Variants in UBE2E2 observed in about 807,000 individuals in gnomAD.
UBE2E2 encodes the protein ubiquitin conjugating enzyme E2 E2.
In UBE2E2, 6 loss-of-function variants were observed where a neutral mutation model predicts 24.7. The observed-to-expected ratio is 0.24, with a 90% CI of 0.13 to 0.48. The LOEUF (loss-of-function observed/expected upper bound fraction) is 0.48, where lower values mean the gene tolerates loss of function less well. UBE2E2 is among the 20% of genes least tolerant of loss of function. UBE2E2 has a pLI of 0.99. For synonymous variants in UBE2E2, 104 were observed against 83.6 expected (o/e 1.24, Z -1.33); for missense variants, 169 against 245.0 (o/e 0.69, Z 2.07).
At chr3:23,241,711 T>G (rs540535774) in intron 3 of UBE2E2, among the ~76,000 whole-genome samples, 1 of 152,330 alleles carries the variant, frequency 6.6e-6, no homozygotes, top group South Asian at 2.1e-4. Context: ...TTTCTTATGA[T>G]TAACTGTGTT....
chr3:23,372,625 G>A (rs1015402647), intron 3 of UBE2E2, among the ~76,000 whole-genome samples: 2 of 152,134 alleles, frequency 1.3e-5, no homozygotes, highest in Non-Finnish European at 2.9e-5. Flanking sequence ...GTACAGATAA[G>A]CATACAATAG....
At chr3:23,247,210 T>C (rs1697435786) in intron 3 of UBE2E2, among the ~76,000 whole-genome samples, 1 of 152,270 alleles carries the variant, frequency 6.6e-6, no homozygotes, top group Admixed American at 6.5e-5. Flanking sequence ...TATTCTCTTT[T>C]TATTCCAATT....
rs191945438 is a variant in UBE2E2, at chr3:23,239,179, G to A, written c.227+21867G>A. On this transcript the variant is annotated intron_variant, in intron 3 of 5. Transcript: ENST00000396703. ...CATTCTCAACCTCAGTTATGATACC[G>A]TAATATAGTGATCAATTATGGAACT... 8.5e-4 allele frequency among the ~76,000 whole-genome samples: 129 copies of A among 152,074 alleles called. No individual in the cohort carries two copies. The Middle Eastern group carries it at 0.02, about 24-fold the overall frequency.
chr3:23,415,523 T>C (rs1697602844), intron 3 of UBE2E2, among the ~76,000 whole-genome samples: 1 of 152,236 alleles, frequency 6.6e-6, no homozygotes, highest in Non-Finnish European at 1.5e-5. Context: ...CTTCCTGTTA[T>C]ACATGTACAC....
chr3:23,348,706 G>A (rs941998109), intron 3 of UBE2E2, among the ~76,000 whole-genome samples: 4 of 152,058 alleles, frequency 2.6e-5, no homozygotes, highest in Admixed American at 2.0e-4. Flanking sequence ...CCTGAGGAGG[G>A]AATAAGTTCC....
intron 3 of UBE2E2, among the ~76,000 whole-genome samples, chr3:23,464,709 C>A (rs1331053952): frequency 6.6e-6 from 1 of 152,130 alleles, no homozygotes; most frequent in East Asian, 1.9e-4. Flanking sequence ...GAAAATACTT[C>A]TCTAGTTACT....
chr3:23,355,859 C>T lies in UBE2E2; in HGVS notation c.227+138547C>T, dbSNP rs182287513. On this transcript the variant is annotated intron_variant, in intron 3 of 5. Coordinates refer to ENST00000396703, the MANE Select transcript of UBE2E2 (RefSeq NM_152653.4). ...AGCATATAAAGCAGTCTATGCAGTT[C>T]GTACATACCTCTCTCTAAATGCATT... Among the ~76,000 whole-genome samples the T allele has an allele frequency of 1.2e-4, 18 of 152,302 alleles. No individual in the cohort carries two copies. The East Asian group carries it at 3.3e-3, about 28-fold the overall frequency.
chr3:23,427,170 C>G (rs146633977), intron 3 of UBE2E2, among the ~76,000 whole-genome samples: 4,369 of 150,778 alleles, frequency 0.029, 107 homozygotes, highest in East Asian at 0.13. Flanking sequence ...CCTGTAATTC[C>G]AGCACTTTGG....
intron 1 of UBE2E2, 117 bp from the exon 2 acceptor site, chr3:23,208,575 A>T: frequency 1.3e-6 from 1 of 770,316 alleles, no homozygotes; most frequent in Non-Finnish European, 1.9e-6. Context: ...GTAAATGACC[A>T]ATTTAATCCA....
At chr3:23,568,397 G>T (rs1046633918) in intron 5 of UBE2E2, among the ~76,000 whole-genome samples, 1 of 151,960 alleles carries the variant, frequency 6.6e-6, no homozygotes. Flanking sequence ...TGAACAAAAG[G>T]TGTGCATTAT....
At chr3:23,258,792 C>T (rs1697811366) in intron 3 of UBE2E2, among the ~76,000 whole-genome samples, 1 of 147,570 alleles carries the variant, frequency 6.8e-6, no homozygotes, top group African/African-American at 2.5e-5. Flanking sequence ...ACTCGGGAGG[C>T]TGAGGCAGGA....
chr3:23,370,597 T>C (rs1178578621), intron 3 of UBE2E2, among the ~76,000 whole-genome samples: 1 of 152,166 alleles, frequency 6.6e-6, no homozygotes, highest in Admixed American at 6.5e-5. Flanking sequence ...ACAGGAATGA[T>C]GTGAAAAGAA....
chr3:23,355,024 A>G (rs1375901562), intron 3 of UBE2E2, among the ~76,000 whole-genome samples: 1 of 152,032 alleles, frequency 6.6e-6, no homozygotes, highest in Non-Finnish European at 1.5e-5. Flanking sequence ...TGTGGCACAT[A>G]TACACCATGG....
intron 3 of UBE2E2, among the ~76,000 whole-genome samples, chr3:23,434,043 TA>T (rs1416910859): frequency 6.6e-6 from 1 of 152,210 alleles, no homozygotes; most frequent in East Asian, 1.9e-4. Flanking sequence ...AGTCTGCAGC[TA>T]ATATGCACTG....
At chr3:23,345,381 CAATAT>C (rs896651937) in intron 3 of UBE2E2, among the ~76,000 whole-genome samples, 19 of 152,226 alleles carry the variant, frequency 1.2e-4, no homozygotes, top group African/African-American at 3.9e-4. Flanking sequence ...TAGCAGTTTT[CAATAT>C]AATAGATTCA....
intron 3 of UBE2E2, among the ~76,000 whole-genome samples, chr3:23,220,142 C>G (rs1449237595): frequency 6.6e-6 from 1 of 151,948 alleles, no homozygotes; most frequent in Admixed American, 6.6e-5. Flanking sequence ...TTATGTAAGG[C>G]ATTTTTAGAG....
intron 3 of UBE2E2, among the ~76,000 whole-genome samples, chr3:23,233,425 A>C (rs1432512855): frequency 6.6e-6 from 1 of 152,168 alleles, no homozygotes. Context: ...ATAAATTTGC[A>C]TTTTAAGAGG....
intron 3 of UBE2E2, among the ~76,000 whole-genome samples, chr3:23,291,406 A>T (rs1048468421): frequency 3.3e-5 from 5 of 152,216 alleles, no homozygotes; most frequent in African/African-American, 1.2e-4. Context: ...AGAAATCTTT[A>T]TCTGTCTTTT....
At chr3:23,398,232 G>A (rs1697126826) in intron 3 of UBE2E2, among the ~76,000 whole-genome samples, 1 of 145,894 alleles carries the variant, frequency 6.9e-6, no homozygotes, top group South Asian at 2.2e-4. Flanking sequence ...AGAATCACTT[G>A]AACCTGGGAG....
Sources: gnomAD v4.1 joint callset for allele counts (sites outside exome capture counted in the v4.1 genomes callset) on GRCh38, gnomAD v4.1.1 for gene constraint, MANE v1.5 for transcripts, NCBI Gene and HGNC (gene_info 2026-07-23, HGNC 2026-07-21) for gene names.